Variants in SLIT3 observed in about 807,000 individuals in gnomAD.
SLIT3 encodes slit guidance ligand 3.
In SLIT3, 68 loss-of-function variants were observed where a neutral mutation model predicts 184.0. The observed-to-expected ratio is 0.37, with a 90% CI of 0.30 to 0.45. SLIT3 has a LOEUF of 0.45. Ranked by LOEUF, SLIT3 falls within the 20% of genes least tolerant of loss-of-function variation. The pLI, the probability that SLIT3 is intolerant of heterozygous loss-of-function variation, is 1.00. For synonymous variants in SLIT3, 831 were observed against 828.6 expected (o/e 1.00, Z -0.05); for missense variants, 1,707 against 2,026.0 (o/e 0.84, Z 3.02).
At chr5:169,219,318 A>C (rs547651118) in intron 3 of SLIT3, among the ~76,000 whole-genome samples, 2 of 152,386 alleles carry the variant, frequency 1.3e-5, no homozygotes, top group African/African-American at 4.8e-5. Context: ...CAGTGCTATA[A>C]GTACATTGTA....
intron 4 of SLIT3, among the ~76,000 whole-genome samples, chr5:168,944,543 T>C (rs956397222): frequency 3.3e-5 from 5 of 152,152 alleles, no homozygotes; most frequent in African/African-American, 1.2e-4. Flanking sequence ...CACCGAAGCA[T>C]GCCATACTTG....
At chr5:168,835,415 T>A (rs1413610881) in intron 6 of SLIT3, among the ~76,000 whole-genome samples, 1 of 151,888 alleles carries the variant, frequency 6.6e-6, no homozygotes, top group Admixed American at 6.6e-5. Context: ...AATCCAAATA[T>A]GACCTTGGAG....
chr5:169,112,177 G>T (rs1229260699), intron 4 of SLIT3, among the ~76,000 whole-genome samples: 4 of 152,240 alleles, frequency 2.6e-5, no homozygotes, highest in Admixed American at 1.3e-4. Flanking sequence ...ATGGGGGCAG[G>T]AGAGGCACCG....
chr5:168,686,053 G>A, intron 30 of SLIT3, 126 bp from the exon 31 acceptor site: 9 of 1,127,578 alleles, frequency 8.0e-6, no homozygotes, highest in Non-Finnish European at 1.1e-5. Flanking sequence ...CTAGTTCTAG[G>A]GGCTAGTTCC....
At chr5:169,242,373 C>T (rs1288215654) in intron 3 of SLIT3, among the ~76,000 whole-genome samples, 1 of 152,206 alleles carries the variant, frequency 6.6e-6, no homozygotes, top group African/African-American at 2.4e-5. Context: ...TCCTCTACTT[C>T]CTGGGCACAA....
chr5:169,271,533 G>A (rs542604873), intron 1 of SLIT3, among the ~76,000 whole-genome samples: 295 of 152,302 alleles, frequency 1.9e-3, no homozygotes, highest in Non-Finnish European at 3.6e-3. Flanking sequence ...CATTGCGAGG[G>A]GGTAGAGGGT....
chr5:168,845,560 A>G (rs1237894949), intron 5 of SLIT3, among the ~76,000 whole-genome samples: 1 of 152,160 alleles, frequency 6.6e-6, no homozygotes, highest in East Asian at 1.9e-4. Context: ...AGATGCCTTG[A>G]CTAATATACA....
chr5:169,145,514 C>T (rs1761897596), intron 4 of SLIT3, among the ~76,000 whole-genome samples: 1 of 152,212 alleles, frequency 6.6e-6, no homozygotes, highest in African/African-American at 2.4e-5. Context: ...TCTAGTAAAT[C>T]AGCTACAATT....
intron 1 of SLIT3, among the ~76,000 whole-genome samples, chr5:169,265,089 T>C (rs1218796940): frequency 6.6e-6 from 1 of 152,166 alleles, no homozygotes; most frequent in Non-Finnish European, 1.5e-5. Context: ...ATGGGGTCTC[T>C]TTTCCTTCAT....
chr5:169,192,162 T>C (rs1019298436), intron 4 of SLIT3, among the ~76,000 whole-genome samples: 3 of 151,958 alleles, frequency 2.0e-5, no homozygotes, highest in Non-Finnish European at 4.4e-5. Context: ...CTGAACAGCA[T>C]TTCCTCCGCC....
chr5:168,690,403 G>A (rs1412817946), intron 29 of SLIT3, among the ~76,000 whole-genome samples: 2 of 152,144 alleles, frequency 1.3e-5, no homozygotes, highest in African/African-American at 2.4e-5. Context: ...CTCTGAGCTT[G>A]CTGTCCACTC....
intron 4 of SLIT3, among the ~76,000 whole-genome samples, chr5:169,085,274 G>A (rs773413199): frequency 9.8e-5 from 15 of 152,320 alleles, no homozygotes; most frequent in Admixed American, 3.3e-4. Context: ...TATAAAGAAT[G>A]AGAACGGCTG....
chr5:168,742,272 A>G (rs1763659330), intron 20 of SLIT3, among the ~76,000 whole-genome samples: 1 of 150,480 alleles, frequency 6.6e-6, no homozygotes, highest in Admixed American at 6.6e-5. Context: ...TCTTTCTACC[A>G]CATTCTACCT....
At chr5:168,767,500 A>G (rs1037973034) in intron 14 of SLIT3, among the ~76,000 whole-genome samples, 1 of 152,214 alleles carries the variant, frequency 6.6e-6, no homozygotes, top group Admixed American at 6.5e-5. Context: ...CCAGGTGAGG[A>G]GCCCAGCACC....
rs148131221 is a variant in SLIT3, at chr5:168,962,674, C to T, written c.414-79338G>A. Among the ~76,000 whole-genome samples the T allele has an allele frequency of 4.7e-3, 715 of 152,342 alleles. 16 individuals carry two copies. The highest frequency in any genetic ancestry group is 0.013 in the East Asian group (68 of 5,182). On this transcript the variant is annotated intron_variant, in intron 4 of 35. Transcript: ENST00000519560. ...CCCCCCAGGGCAGCCTGAGCTGGCG[C>T]TCTTATGACCAGACTCTGGGGTAGA...
rs548516804 is a variant in SLIT3, at chr5:168,977,027, G to A, written c.414-93691C>T. 5.5e-4 allele frequency among the ~76,000 whole-genome samples: 84 copies of A among 152,114 alleles called. 2 individuals are homozygous for A. In the South Asian group the frequency reaches 0.017, roughly 31 times the overall value. On this transcript the variant is annotated intron_variant, in intron 4 of 35. Transcript: ENST00000519560. ...ATTTATCTCAGCTGTGAATTTGGGG[G>A]AGGGGTTGGGGGAGGTCCTCAGTGG... is the stretch of plus-strand genomic sequence containing the variant.
intron 5 of SLIT3, among the ~76,000 whole-genome samples, chr5:168,866,467 A>T (rs1020647702): frequency 3.3e-5 from 5 of 152,186 alleles, no homozygotes; most frequent in Non-Finnish European, 7.3e-5. Context: ...GGCACAAAGG[A>T]CTCAATGTGA....
intron 14 of SLIT3, chr5:168,768,391 G>A (rs1222021558): frequency 3.7e-5 from 16 of 436,304 alleles, no homozygotes; most frequent in South Asian, 1.1e-4. Flanking sequence ...GAACACTTCC[G>A]AAGATTGCAG....
intron 4 of SLIT3, among the ~76,000 whole-genome samples, chr5:169,145,964 T>C (rs1039633963): frequency 6.6e-6 from 1 of 152,002 alleles, no homozygotes; most frequent in Non-Finnish European, 1.5e-5. Context: ...GGCAGGAGAA[T>C]CACTTAAACC....
Sources: allele counts gnomAD v4.1 joint callset (sites outside exome capture counted in the v4.1 genomes callset), GRCh38; gene constraint gnomAD v4.1.1; transcripts MANE v1.5; gene names NCBI Gene and HGNC (gene_info 2026-07-23, HGNC 2026-07-21).